NRXN1: variants seen among roughly 807,000 people sequenced by gnomAD.
NRXN1 encodes neurexin-1.
A neutral mutation model predicts 150.9 loss-of-function variants in NRXN1; 39 were observed. The observed-to-expected ratio is 0.26, with a 90% CI of 0.20 to 0.34. The LOEUF (loss-of-function observed/expected upper bound fraction) is 0.34. Ranked by LOEUF, NRXN1 falls within the 10% of genes least tolerant of loss-of-function variation. The probability of loss-of-function intolerance (pLI) is 1.00; values close to 1 mark genes in which losing one functional copy is unlikely to be tolerated. For synonymous variants in NRXN1, 924 were observed against 757.0 expected (o/e 1.22, Z -3.62); for missense variants, 1,815 against 1,949.9 (o/e 0.93, Z 1.30).
chr2:50,267,401 A>G (rs2069023761), intron 17 of NRXN1, among the ~76,000 whole-genome samples: 1 of 152,244 alleles, frequency 6.6e-6, no homozygotes, highest in Non-Finnish European at 1.5e-5. Flanking sequence ...TATGGTACAT[A>G]TATTTCTTCA....
intron 2 of NRXN1, among the ~76,000 whole-genome samples, chr2:50,938,720 T>G (rs1688921898): frequency 6.6e-6 from 1 of 152,068 alleles, no homozygotes; most frequent in Admixed American, 6.6e-5. Context: ...GCAAAATGCC[T>G]GACACATAGC....
intron 17 of NRXN1, among the ~76,000 whole-genome samples, chr2:50,324,430 A>G (rs6545163): frequency 0.42 from 63,727 of 152,202 alleles, 16,653 homozygotes; most frequent in African/African-American, 0.74. Flanking sequence ...AAACTTCAGA[A>G]GCACTCACTT....
intron 1 of NRXN1, among the ~76,000 whole-genome samples, chr2:51,030,110 AT>A (rs3840477): frequency 0.49 from 75,018 of 151,596 alleles, 19,406 homozygotes; most frequent in African/African-American, 0.65. Context: ...ATAATCACTG[AT>A]TTTTTTCCTA....
chr2:50,522,301 A>G (rs1432297570), intron 12 of NRXN1, among the ~76,000 whole-genome samples: 3 of 152,192 alleles, frequency 2.0e-5, no homozygotes, highest in African/African-American at 7.2e-5. Flanking sequence ...GGATTTTATA[A>G]TACTTTTTAC....
intron 19 of NRXN1, among the ~76,000 whole-genome samples, chr2:50,090,823 C>A (rs554731000): frequency 6.6e-6 from 1 of 152,110 alleles, no homozygotes; most frequent in Admixed American, 6.5e-5. Flanking sequence ...CTGATTTATG[C>A]TACTATTGTT....
At chr2:50,206,382 G>A (rs1464521295) in intron 18 of NRXN1, among the ~76,000 whole-genome samples, 2 of 152,048 alleles carry the variant, frequency 1.3e-5, no homozygotes, top group Admixed American at 1.3e-4. Flanking sequence ...TTTTCACCAT[G>A]TCTCATGCAA....
At chr2:50,351,898 C>T (rs528981876) in intron 17 of NRXN1, among the ~76,000 whole-genome samples, 8 of 152,062 alleles carry the variant, frequency 5.3e-5, no homozygotes, top group Non-Finnish European at 8.8e-5. Flanking sequence ...GGAACTTCAC[C>T]AAGCTTCTAG....
At chr2:50,141,197 A>T (rs1343817815) in intron 18 of NRXN1, among the ~76,000 whole-genome samples, 1 of 152,042 alleles carries the variant, frequency 6.6e-6, no homozygotes. Context: ...ATTATAGAGG[A>T]CTACCTAGAG....
intron 17 of NRXN1, 60 bp from the exon 18 acceptor site, chr2:50,237,030 G>A (rs984746477): frequency 2.7e-6 from 4 of 1,504,822 alleles, no homozygotes; most frequent in Non-Finnish European, 3.7e-6. Flanking sequence ...CATTAGCAAG[G>A]CATGTTATAT....
chr2:50,382,977 C>G (rs1264881815), intron 17 of NRXN1, among the ~76,000 whole-genome samples: 3 of 152,180 alleles, frequency 2.0e-5, no homozygotes, highest in African/African-American at 7.2e-5. Context: ...CTACCTCACT[C>G]ATTTGCATTA....
chr2:50,362,813 T>C (rs2079317677), intron 17 of NRXN1, among the ~76,000 whole-genome samples: 1 of 152,144 alleles, frequency 6.6e-6, no homozygotes, highest in Admixed American at 6.6e-5. Flanking sequence ...AGAATAAAGC[T>C]AGAGGCATCA....
chr2:50,269,011 A>G (rs971675909), intron 17 of NRXN1, among the ~76,000 whole-genome samples: 4 of 152,206 alleles, frequency 2.6e-5, no homozygotes, highest in Non-Finnish European at 5.9e-5. Context: ...ATCAGATAAG[A>G]GTCGCTTAAT....
chr2:50,014,516 C>T (rs976445895), intron 21 of NRXN1, among the ~76,000 whole-genome samples: 1 of 152,056 alleles, frequency 6.6e-6, no homozygotes, highest in African/African-American at 2.4e-5. Context: ...CCAAAACATC[C>T]CCACACAACC....
chr2:50,955,992 C>T (rs1404257884), intron 2 of NRXN1, among the ~76,000 whole-genome samples: 1 of 152,098 alleles, frequency 6.6e-6, no homozygotes, highest in African/African-American at 2.4e-5. Flanking sequence ...CATTGGAAAA[C>T]TAGTGCCTGG....
intron 5 of NRXN1, among the ~76,000 whole-genome samples, chr2:50,797,831 G>C (rs1187800459): frequency 3.3e-5 from 5 of 152,120 alleles, no homozygotes; most frequent in African/African-American, 9.7e-5. Flanking sequence ...TTGACCAGAA[G>C]CTTCTCCTAG....
chr2:50,030,629 C>T (rs1263026164), intron 21 of NRXN1, among the ~76,000 whole-genome samples: 3 of 152,070 alleles, frequency 2.0e-5, no homozygotes, highest in African/African-American at 7.2e-5. Context: ...GTCTTCCTTG[C>T]CTGTGAAACT....
chr2:50,091,538 G>A, intron 18 of NRXN1, 44 bp from the exon 19 acceptor site: 2 of 1,581,520 alleles, frequency 1.3e-6, no homozygotes, highest in Non-Finnish European at 1.7e-6. Flanking sequence ...AAGTTGACTA[G>A]TCACCATTTA....
chr2:50,679,155 T>G (rs1199592267), intron 5 of NRXN1, among the ~76,000 whole-genome samples: 1 of 151,932 alleles, frequency 6.6e-6, no homozygotes, highest in East Asian at 1.9e-4. Context: ...TGTGGAAAAG[T>G]AGATTCCCAA....
At chr2:50,153,866 G>GAA (rs2058849889) in intron 18 of NRXN1, among the ~76,000 whole-genome samples, 1 of 151,720 alleles carries the variant, frequency 6.6e-6, no homozygotes, top group East Asian at 1.9e-4. Context: ...ACAGTAGTCA[G>GAA]AAATCAAAAC....
Sources: gnomAD v4.1 joint callset for allele counts (sites outside exome capture counted in the v4.1 genomes callset) on GRCh38, gnomAD v4.1.1 for gene constraint, MANE v1.5 for transcripts, NCBI Gene and HGNC (gene_info 2026-07-23, HGNC 2026-07-21) for gene names.